Variants in WNK1 observed in about 807,000 individuals in gnomAD.
WNK1 encodes the protein serine/threonine-protein kinase WNK1.
Under a neutral mutation model 222.8 loss-of-function variants are expected in WNK1, and 38 were observed. That is an observed-to-expected ratio of 0.17 (90% confidence interval 0.13 to 0.22). The LOEUF is 0.22. Ranked by LOEUF, WNK1 falls within the 10% of genes least tolerant of loss-of-function variation. The pLI is 1.00. For missense variants in WNK1, 2,348 were observed against 2,918.4 expected (o/e 0.80, Z 4.50); for synonymous variants, 1,090 against 1,092.9 (o/e 1.00, Z 0.05).
chr12:880,477 C>T (rs1297092406), intron 11 of WNK1, among the ~76,000 whole-genome samples: 1 of 152,146 alleles, frequency 6.6e-6, no homozygotes, highest in Non-Finnish European at 1.5e-5. Flanking sequence ...CTATTTAAAT[C>T]ATCTCTAGGT....
chr12:867,769 C>A, intron 8 of WNK1: 2 of 1,308,668 alleles, frequency 1.5e-6, no homozygotes, highest in South Asian at 1.3e-5. Flanking sequence ...TTAGTGTAAC[C>A]ATTTCATAGG....
intron 4 of WNK1, among the ~76,000 whole-genome samples, chr12:843,868 T>A (rs1361044161): frequency 6.6e-6 from 1 of 152,230 alleles, no homozygotes; most frequent in East Asian, 1.9e-4. Flanking sequence ...CATTAAAGTT[T>A]GAGAAGTATG....
In WNK1 at chr12:761,713, A is replaced by G. The variant is rs754038103; in HGVS notation, c.759+7389A>G. Among the ~76,000 whole-genome samples, 3 of 147,884 alleles carry G rather than the reference A, an allele frequency of 2.0e-5. 1 individual carries two copies. Among genetic ancestry groups the G allele is most frequent in the Non-Finnish European group, 4.5e-5 (3 of 66,138 alleles). ...TTGGGATAAGATCATTTTCATGGCT[A>G]AGAGTTTTGAGCTACATAACCTGAT... On this transcript the variant is annotated intron_variant, in intron 1 of 27. Transcript: ENST00000315939.
intron 9 of WNK1, among the ~76,000 whole-genome samples, chr12:876,920 T>C (rs751527416): frequency 6.6e-6 from 1 of 152,140 alleles, no homozygotes; most frequent in African/African-American, 2.4e-5. Context: ...CTCTGGAGAA[T>C]AGGATTAGGG....
chr12:807,491 CT>C (rs1946474090), intron 1 of WNK1, among the ~76,000 whole-genome samples: 1 of 151,992 alleles, frequency 6.6e-6, no homozygotes, highest in Admixed American at 6.6e-5. Context: ...TGCACAACCA[CT>C]TTTGCTTTCC....
In WNK1 at chr12:812,041, C is replaced by T. The variant is rs140956314; in HGVS notation, c.760-1601C>T. Among the ~76,000 whole-genome samples the T allele has an allele frequency of 9.9e-4, 150 of 152,196 alleles. 2 individuals are homozygous for T. Among genetic ancestry groups the T allele is most frequent in the South Asian group, 7.7e-3 (37 of 4,824 alleles). On this transcript the variant is annotated intron_variant, in intron 1 of 27. Transcript: ENST00000315939. ...GTGTATTCTCAAGGAAAATTAAATA[C>T]GGATTTTTGATGGCAAAGAAGTCCC...
rs1196649761 is a variant in WNK1 at position 908,009 on chromosome 12, G to C, written c.6806G>C (p.Gly2269Ala). 2 of 1,614,038 alleles carry C rather than the reference G, an allele frequency of 1.2e-6. No homozygotes were observed. Among genetic ancestry groups the C allele is most frequent in the African/African-American group, 2.7e-5 (2 of 74,918 alleles). The change falls in exon 27 of 28, where the codon GGA (glycine) becomes GCA (alanine). Residue 2269 changes from glycine to alanine, a missense_variant. Gly to Ala is a moderately conservative substitution (Grantham distance 60). Around this residue, in one of 13 missense-constraint regions of WNK1, gnomAD observed 55 missense variants for 104.1 expected, o/e 0.53. Transcript: ENST00000315939. ...GCCATGAATCTCTCAGGCAGGAGAGGAAGCAAAGGGCACATGAATTACGAG... is the reference window on the plus strand; with the variant it reads ...GCCATGAATCTCTCAGGCAGGAGAGCAAGCAAAGGGCACATGAATTACGAG... The part of the protein sequence containing the change: ...RDAMNLSGRR[G>A]SKGHMNYEGP...
At chr12:809,769 ATAAT>A (rs1440612735) in intron 1 of WNK1, among the ~76,000 whole-genome samples, 1 of 152,192 alleles carries the variant, frequency 6.6e-6, no homozygotes, top group Non-Finnish European at 1.5e-5. Context: ...CCAGACTTAA[ATAAT>A]TATTTATATG....
Position 879,731 on chromosome 12 carries a change from T to A in WNK1, c.2532T>A (p.Ile844=), listed in dbSNP as rs762491690. 17 of 1,613,982 alleles carry A rather than the reference T, an allele frequency of 1.1e-5. No individual in the cohort carries two copies. Among genetic ancestry groups the A allele is most frequent in the Non-Finnish European group, 1.4e-5 (16 of 1,179,998 alleles). ...PLLPQYPVSQ[I]PISTPHVSTA... is the part of the protein sequence containing the mutation. ...TCCCTCAGTACCCTGTCTCTCAGAT[T>A]CCCATATCAACTCCTCATGTGTCTA... Residue 844 remains isoleucine (I), a synonymous_variant, in exon 11 of 28, where the codon ATT becomes ATA. Transcript: ENST00000315939.
intron 1 of WNK1, among the ~76,000 whole-genome samples, chr12:807,004 A>G (rs1193341479): frequency 2.6e-5 from 4 of 152,074 alleles, no homozygotes; most frequent in African/African-American, 9.7e-5. Context: ...TCTGGGCTAG[A>G]TCTCCCTATA....
In WNK1 at chr12:827,307, T is replaced by A; in HGVS notation, c.1153+45T>A. 1 of 1,509,962 alleles carries A rather than the reference T, an allele frequency of 6.6e-7. No individual in the cohort carries two copies. The highest frequency in any genetic ancestry group is 9.2e-7 in the Non-Finnish European group (1 of 1,085,624). 93.5% of individuals were successfully genotyped at this position (1,509,962 alleles called of 1,614,324 possible). ...TGGAGCCTGACTGGCTTTCTCACATTCCTTTTATTTAGAATCCTGGCTCTG... is the reference window on the plus strand; with the variant it reads ...TGGAGCCTGACTGGCTTTCTCACATACCTTTTATTTAGAATCCTGGCTCTG... On this transcript the variant is annotated intron_variant, in intron 3 of 27. Transcript: ENST00000315939. The surrounding 1 kb of genome is among the most constrained non-coding windows in gnomAD (Gnocchi z 4.6).
rs770873761 is a variant in WNK1 at position 885,090 on chromosome 12, C to T, written c.4286C>T (p.Pro1429Leu). ...GTTGTCTCAATATCTACTACATCCC[C>T]GTCACTTCAAGTCCCCACATCCACA... ...PAVVSISTTSPSLQVPTSTSE... is the reference protein window; with the variant it reads ...PAVVSISTTSLSLQVPTSTSE... The change falls in exon 19 of 28, where the codon CCG becomes CTG. Residue 1429 changes from proline to leucine, a missense_variant. Pro to Leu is a moderately conservative substitution (Grantham distance 98). Around this residue, in one of 13 missense-constraint regions of WNK1, gnomAD observed 1,144 missense variants for 1,273.6 expected, o/e 0.90. Transcript: ENST00000315939. 1.1e-5 allele frequency: 17 copies of T among 1,614,168 alleles called. No homozygotes were observed. Among genetic ancestry groups the T allele is most frequent in the South Asian group, 3.3e-5 (3 of 91,082 alleles).
chr12:821,976 T>TA (rs544429008), intron 2 of WNK1, among the ~76,000 whole-genome samples: 49 of 152,052 alleles, frequency 3.2e-4, no homozygotes, highest in South Asian at 2.5e-3. Flanking sequence ...TCTTTCTTTT[T>TA]AAAAAATCCA....
At position 884,947 on chromosome 12, in the gene WNK1, G is replaced by A. The variant is rs780421365; in HGVS notation, c.4143G>A (p.Glu1381=). 6 of 1,614,072 alleles carry A rather than the reference G, an allele frequency of 3.7e-6. No homozygotes were observed. In the Admixed American group the frequency reaches 6.7e-5, roughly 18 times the overall value. The change falls in exon 19 of 28, where the codon GAG becomes GAA. Residue 1381 remains glutamate, a synonymous_variant. Coordinates refer to ENST00000315939, the MANE Select transcript of WNK1 (RefSeq NM_018979.4). This position sits in a 1 kb window ranked among gnomAD's most constrained non-coding sequence, Gnocchi z 5.6. ...IQSEVTVPTE[E]GIAGVATSTG... Reference sequence around the variant, plus strand: ...CTGAGGTTACAGTGCCCACTGAAGAGGGGATTGCTGGAGTTGCCACCAGCA... The same window carrying A: ...CTGAGGTTACAGTGCCCACTGAAGAAGGGATTGCTGGAGTTGCCACCAGCA...
Position 908,861 on chromosome 12 carries a change from G to GGGGGGGGGTGCA in WNK1, c.*69_*70insGGGGGGGGTGCA. The GGGGGGGGGTGCA allele has an allele frequency of 2.0e-6, 1 of 491,846 alleles. No homozygotes were observed. Among genetic ancestry groups the GGGGGGGGGTGCA allele is most frequent in the Non-Finnish European group, 4.1e-6 (1 of 241,770 alleles). The allele number at this position is 491,846 out of a possible 1,614,324, so 30.5% of individuals were successfully genotyped here. On this transcript the variant is annotated 3_prime_UTR_variant, in exon 28 of 28. Transcript: ENST00000315939. The stretch of plus-strand genomic sequence containing the variant: ...ATGCTGAGGGGGTGGGTGGGGGTGG[G>GGGGGGGGGTGCA]AAGTAGCCTATATACTAACTACTAG...
chr12:855,578 A>G (rs1241035347), intron 4 of WNK1, among the ~76,000 whole-genome samples: 1 of 152,186 alleles, frequency 6.6e-6, no homozygotes, highest in Non-Finnish European at 1.5e-5. Flanking sequence ...TTGACACTAT[A>G]GATAATCAGA....
chr12:859,178 T>A, intron 5 of WNK1, 67 bp from the exon 6 acceptor site: 1 of 1,385,840 alleles, frequency 7.2e-7, no homozygotes, highest in South Asian at 1.2e-5. Context: ...TGGCCACATT[T>A]GAAAATTATT....
intron 1 of WNK1, among the ~76,000 whole-genome samples, chr12:784,051 C>T (rs2153971471): frequency 1.1e-5 from 1 of 88,344 alleles, no homozygotes; most frequent in Middle Eastern, 9.6e-3. Context: ...AAGATGCTGT[C>T]TCCACCAAAA....
chr12:836,914 T>C (rs1435054877), intron 4 of WNK1, among the ~76,000 whole-genome samples: 2 of 152,212 alleles, frequency 1.3e-5, no homozygotes, highest in Non-Finnish European at 2.9e-5. Context: ...TTTTTTTGTA[T>C]GTGCATACTA....
Sources: allele counts gnomAD v4.1 joint callset (sites outside exome capture counted in the v4.1 genomes callset), GRCh38; gene constraint gnomAD v4.1.1; regional missense constraint gnomAD v4.1.1; non-coding constraint Gnocchi (gnomAD v3.1); transcripts MANE v1.5; gene names NCBI Gene and HGNC (gene_info 2026-07-23, HGNC 2026-07-21).